EYS: variants seen among roughly 807,000 people sequenced by gnomAD.
EYS encodes protein eyes shut homolog.
In EYS, 250 loss-of-function variants were observed where a neutral mutation model predicts 282.1. The ratio of observed to expected loss-of-function variants is 0.89; its 90% CI spans 0.80 to 0.98. EYS has a LOEUF of 0.98. Ranked by LOEUF, EYS falls within the 50% of genes least tolerant of loss-of-function variation. The pLI is 0.00. For synonymous variants in EYS, 1,355 were observed against 1,282.9 expected (o/e 1.06, Z -1.20); for missense variants, 4,016 against 3,709.0 (o/e 1.08, Z -2.15).
intron 36 of EYS, among the ~76,000 whole-genome samples, chr6:63,840,503 AT>A (rs1186627120): frequency 1.3e-5 from 2 of 151,364 alleles, no homozygotes; most frequent in South Asian, 2.1e-4. Flanking sequence ...CACTCTGTTG[AT>A]TTTTTTTCCT....
At chr6:64,052,606 G>C (rs1348343298) in intron 33 of EYS, among the ~76,000 whole-genome samples, 1 of 152,068 alleles carries the variant, frequency 6.6e-6, no homozygotes. Flanking sequence ...CAATTTTTAA[G>C]TAATAGAATG....
chr6:65,373,288 A>C (rs1186083873), intron 8 of EYS, among the ~76,000 whole-genome samples: 1 of 152,160 alleles, frequency 6.6e-6, no homozygotes, highest in African/African-American at 2.4e-5. Context: ...GGAAATTTTA[A>C]TGTTTCCATC....
At chr6:63,844,840 C>T (rs1056380097) in intron 36 of EYS, among the ~76,000 whole-genome samples, 1 of 152,120 alleles carries the variant, frequency 6.6e-6, no homozygotes, top group Non-Finnish European at 1.5e-5. Context: ...GAGTCTTCTG[C>T]TGTGCAGAAG....
rs73763380 is a variant in EYS at position 64,260,167 on chromosome 6, C to T, written c.6192-29343G>A. On this transcript the variant is annotated intron_variant, in intron 30 of 42. Coordinates refer to ENST00000503581, the MANE Select transcript of EYS (RefSeq NM_001142800.2). ...GTATTTTTTCCTTCATTTCTTTTAC[C>T]CTGCTATTTGCTGCAATGCAGCTAG... Among the ~76,000 whole-genome samples, 617 of 151,760 alleles carry T rather than the reference C, an allele frequency of 4.1e-3. 4 individuals are homozygous for T. The highest frequency in any genetic ancestry group is 0.014 in the African/African-American group (583 of 41,288).
intron 31 of EYS, among the ~76,000 whole-genome samples, chr6:64,107,116 T>G (rs1034255316): frequency 6.6e-6 from 1 of 150,976 alleles, no homozygotes; most frequent in Non-Finnish European, 1.5e-5. Flanking sequence ...ATATTAATCA[T>G]AGTTTTTTAA....
intron 26 of EYS, among the ~76,000 whole-genome samples, chr6:64,475,499 C>G (rs1393324485): frequency 3.1e-5 from 2 of 64,490 alleles, no homozygotes; most frequent in African/African-American, 4.9e-5. Context: ...TGCAGTGAGC[C>G]GAGATCCCGC....
At chr6:64,148,277 TTGTATA>T (rs1411510760) in intron 31 of EYS, among the ~76,000 whole-genome samples, 2 of 152,196 alleles carry the variant, frequency 1.3e-5, no homozygotes, top group Non-Finnish European at 2.9e-5. Flanking sequence ...GTATCCTACT[TTGTATA>T]TGAAATATCA....
At chr6:65,114,899 A>C (rs1775323714) in intron 12 of EYS, among the ~76,000 whole-genome samples, 1 of 152,036 alleles carries the variant, frequency 6.6e-6, no homozygotes, top group African/African-American at 2.4e-5. Context: ...TCATAATGCT[A>C]GTCATTCCCC....
rs1022337564 is a variant in EYS at position 63,983,504 on chromosome 6, A to G, written c.7055+879T>C. On this transcript the variant is annotated intron_variant, in intron 35 of 42. Coordinates refer to ENST00000503581, the MANE Select transcript of EYS (RefSeq NM_001142800.2). ...GCTTGTTTCTGTCTACCATTTTTAA[A>G]TCCTGCTTTTTTGATAAAATTTCTC... is the stretch of plus-strand genomic sequence containing the variant. Among the ~76,000 whole-genome samples, 4 of 151,448 alleles carry G rather than the reference A, an allele frequency of 2.6e-5. No individual in the cohort carries two copies. In the East Asian group the frequency reaches 7.8e-4, roughly 29 times the overall value.
At chr6:64,645,469 G>C (rs996621336) in intron 22 of EYS, among the ~76,000 whole-genome samples, 5 of 152,304 alleles carry the variant, frequency 3.3e-5, no homozygotes, top group Admixed American at 3.3e-4. Flanking sequence ...CCAAGAAACA[G>C]CAGTATGAAA....
chr6:64,450,903 C>T (rs1031231061), intron 26 of EYS, among the ~76,000 whole-genome samples: 2 of 152,074 alleles, frequency 1.3e-5, no homozygotes, highest in Non-Finnish European at 2.9e-5. Context: ...CAAGAGAAAG[C>T]AGGAAAGATC....
intron 19 of EYS, among the ~76,000 whole-genome samples, chr6:64,840,419 G>C (rs1397913746): frequency 6.6e-6 from 1 of 152,074 alleles, no homozygotes; most frequent in Non-Finnish European, 1.5e-5. Flanking sequence ...ATAAAAGATA[G>C]GATTTGAGAA....
At chr6:63,842,304 A>G (rs1455906642) in intron 36 of EYS, among the ~76,000 whole-genome samples, 1 of 152,134 alleles carries the variant, frequency 6.6e-6, no homozygotes, top group Non-Finnish European at 1.5e-5. Flanking sequence ...TTGGCATCCT[A>G]ACTGGTGTGA....
chr6:63,891,316 A>C (rs1212933475), intron 35 of EYS, among the ~76,000 whole-genome samples: 1 of 152,190 alleles, frequency 6.6e-6, no homozygotes, highest in Non-Finnish European at 1.5e-5. Flanking sequence ...TCCCTGATGA[A>C]CATCGATGCA....
chr6:63,722,089 C>G (rs2149626115), intron 42 of EYS, among the ~76,000 whole-genome samples: 1 of 152,208 alleles, frequency 6.6e-6, no homozygotes, highest in East Asian at 1.9e-4. Context: ...AAATGAAAGC[C>G]TGTTCCTTAT....
At chr6:63,798,987 G>GTGTATATATATA (rs1247104267) in intron 37 of EYS, among the ~76,000 whole-genome samples, 3 of 85,790 alleles carry the variant, frequency 3.5e-5, no homozygotes, top group Non-Finnish European at 4.2e-5. Context: ...GTATATGTGT[G>GTGTATATATATA]TATATATATA....
chr6:65,114,753 C>T (rs1400818413), intron 12 of EYS, among the ~76,000 whole-genome samples: 3 of 151,956 alleles, frequency 2.0e-5, no homozygotes, highest in African/African-American at 7.2e-5. Context: ...ATTTCATCCA[C>T]TATTACAGGT....
chr6:65,399,344 C>T (rs983996431), intron 7 of EYS, among the ~76,000 whole-genome samples: 2 of 151,812 alleles, frequency 1.3e-5, no homozygotes, highest in Admixed American at 1.3e-4. Flanking sequence ...CATGTCACCG[C>T]CCAAGTCAAG....
chr6:65,652,629 G>C (rs951117387), intron 1 of EYS, among the ~76,000 whole-genome samples: 2 of 151,664 alleles, frequency 1.3e-5, no homozygotes, highest in African/African-American at 4.8e-5. Context: ...GAAGAAGATG[G>C]AACTCTTAGC....
Sources: gnomAD v4.1 joint callset for allele counts (sites outside exome capture counted in the v4.1 genomes callset) on GRCh38, gnomAD v4.1.1 for gene constraint, MANE v1.5 for transcripts, NCBI Gene and HGNC (gene_info 2026-07-23, HGNC 2026-07-21) for gene names.